The following DEPDC5 variants were observed in gnomAD, a reference collection of about 807,000 sequenced individuals.
The protein encoded by DEPDC5 is GATOR1 complex protein DEPDC5.
DEPDC5 carries 73 observed loss-of-function variants against 217.3 expected under a neutral mutation model. The ratio of observed to expected loss-of-function variants is 0.34; its 90% confidence interval spans 0.28 to 0.41. The LOEUF (loss-of-function observed/expected upper bound fraction) is 0.41. Among genes scored for constraint, DEPDC5 ranks in the 10% least tolerant of loss-of-function variants. The pLI is 1.00. For missense variants in DEPDC5, 1,675 were observed against 2,070.1 expected, an observed-to-expected ratio of 0.81 and a Z score of 3.70; for synonymous variants, 733 against 756.7, an observed-to-expected ratio of 0.97 and a Z score of 0.51.
At chr22:31,791,703 C>T (rs1372627039) in intron 10 of DEPDC5, among the ~76,000 whole-genome samples, 1 of 150,048 alleles carries the variant, frequency 6.7e-6, no homozygotes, top group African/African-American at 2.5e-5. Flanking sequence ...CCAAGGCAGG[C>T]GGATCACGAG....
chr22:31,775,090 G>C (rs1178322385), intron 7 of DEPDC5, among the ~76,000 whole-genome samples: 1 of 152,134 alleles, frequency 6.6e-6, no homozygotes, highest in African/African-American at 2.4e-5. Context: ...GACCCAGAGG[G>C]ATTGATTGAT....
At chr22:31,861,204 A>C (rs879350508) in intron 32 of DEPDC5, among the ~76,000 whole-genome samples, 164 bp from the exon 33 acceptor site, 6 of 111,238 alleles carry the variant, frequency 5.4e-5, no homozygotes, top group East Asian at 2.6e-4. Flanking sequence ...AATTTTCCCT[A>C]TCCTCTTCAT....
chr22:31,820,055 T>C (rs191832285), intron 22 of DEPDC5, among the ~76,000 whole-genome samples: 12 of 152,290 alleles, frequency 7.9e-5, no homozygotes. Flanking sequence ...AATTAAACTT[T>C]AGCTTAATGG....
intron 3 of DEPDC5, among the ~76,000 whole-genome samples, chr22:31,760,317 C>G (rs2082284459): frequency 6.6e-6 from 1 of 152,100 alleles, no homozygotes; most frequent in Admixed American, 6.5e-5. Context: ...ATCCGCCCGT[C>G]TCGGCCTCCC....
chr22:31,788,622 G>A (rs2085287406), intron 10 of DEPDC5, among the ~76,000 whole-genome samples: 1 of 151,442 alleles, frequency 6.6e-6, no homozygotes, highest in East Asian at 1.9e-4. Context: ...TGCCCAGGCT[G>A]GAGTACAATG....
At chr22:31,812,757 T>G (rs565288573) in intron 20 of DEPDC5, among the ~76,000 whole-genome samples, 2 of 146,166 alleles carry the variant, frequency 1.4e-5, no homozygotes, top group African/African-American at 5.0e-5. Flanking sequence ...TTTTTTTTTT[T>G]GAGTTGGAGT....
intron 8 of DEPDC5, among the ~76,000 whole-genome samples, chr22:31,780,956 G>A (rs1041479415): frequency 4.6e-5 from 7 of 152,162 alleles, no homozygotes; most frequent in African/African-American, 1.4e-4. Context: ...GGTGGCTCAC[G>A]CCTGTAATCC....
intron 40 of DEPDC5, 139 bp downstream of exon 40, chr22:31,897,792 C>CGGCCGGGCGTGGTGGCTCACGCCTG: frequency 3.1e-6 from 3 of 965,174 alleles, no homozygotes; most frequent in Non-Finnish European, 4.5e-6. Context: ...GATCAAGGTT[C>CGGCCGGGCGTGGTGGCTCACGCCTG]TAAAGGATCC....
chr22:31,875,741 C>G (rs2092974523), intron 36 of DEPDC5: 1 of 146,640 alleles, frequency 6.8e-6, no homozygotes, highest in Non-Finnish European at 1.5e-5. Context: ...TCAAGTGATT[C>G]TCCTGCCTCA....
chr22:31,754,904 AG>A lies in DEPDC5; in HGVS notation c.-15del, dbSNP rs767053933. On this transcript the variant is annotated 5_prime_UTR_variant, in exon 2 of 43. Transcript: ENST00000651528. Reference sequence around the variant, plus strand: ...TCTGCCCCAAGCTTGGAACAGCTAAAGGGAAAAACAGTGCAAGATGAGAACA... The same window carrying A: ...TCTGCCCCAAGCTTGGAACAGCTAAAGGAAAAACAGTGCAAGATGAGAACA... The A allele has an allele frequency of 1.2e-6, 2 of 1,614,028 alleles. No homozygotes were observed. The highest frequency in any genetic ancestry group is 2.7e-5 in the African/African-American group (2 of 74,938).
At chr22:31,855,000 T>G (rs185289130) in intron 31 of DEPDC5, among the ~76,000 whole-genome samples, 265 of 151,710 alleles carry the variant, frequency 1.7e-3, no homozygotes, top group Admixed American at 4.3e-3. Context: ...AGTCTTGTTG[T>G]GTCGCCCAGG....
chr22:31,897,927 G>T (rs1381912591), intron 40 of DEPDC5, among the ~76,000 whole-genome samples: 1 of 152,132 alleles, frequency 6.6e-6, no homozygotes. Context: ...GTGGGAGAGG[G>T]CGCTAAACTC....
chr22:31,833,157 G>T (rs2090728237), intron 24 of DEPDC5, among the ~76,000 whole-genome samples: 1 of 152,154 alleles, frequency 6.6e-6, no homozygotes, highest in Non-Finnish European at 1.5e-5. Flanking sequence ...TGAACTCCTG[G>T]CCTTGTGAGC....
intron 21 of DEPDC5, chr22:31,815,556 A>T: frequency 5.2e-6 from 3 of 572,642 alleles, no homozygotes; most frequent in Non-Finnish European, 9.1e-6. Flanking sequence ...TGATTATCAT[A>T]TTTTTTTTTG....
intron 39 of DEPDC5, among the ~76,000 whole-genome samples, chr22:31,896,767 TTCTC>T (rs2093560158): frequency 6.6e-6 from 1 of 152,182 alleles, no homozygotes. Flanking sequence ...TCCATCACAT[TTCTC>T]TCAGCCAGCC....
At chr22:31,838,264 A>G (rs886645768) in intron 26 of DEPDC5, among the ~76,000 whole-genome samples, 1 of 152,208 alleles carries the variant, frequency 6.6e-6, no homozygotes, top group African/African-American at 2.4e-5. Flanking sequence ...ACAAATTGTT[A>G]GTAGTTTTTT....
intron 18 of DEPDC5, among the ~76,000 whole-genome samples, chr22:31,807,252 C>G (rs1412109643): frequency 6.6e-6 from 1 of 151,934 alleles, no homozygotes; most frequent in African/African-American, 2.4e-5. Context: ...TTGGGGCATG[C>G]GATGTAAGGA....
At chr22:31,812,420 CTTT>C (rs57618137) in intron 20 of DEPDC5, among the ~76,000 whole-genome samples, 150 of 98,256 alleles carry the variant, frequency 1.5e-3, no homozygotes, top group Non-Finnish European at 2.0e-3. Flanking sequence ...TTCCATATTT[CTTT>C]TTTTTTTTTT....
At chr22:31,759,062 A>G (rs1022554893) in intron 3 of DEPDC5, among the ~76,000 whole-genome samples, 1 of 151,742 alleles carries the variant, frequency 6.6e-6, no homozygotes, top group East Asian at 2.0e-4. Context: ...CCTCCCGAGT[A>G]GCTGAGATTA....
Sources: gnomAD v4.1 joint callset for allele counts (sites outside exome capture counted in the v4.1 genomes callset) on GRCh38, gnomAD v4.1.1 for gene constraint, MANE v1.5 for transcripts, NCBI Gene and HGNC (gene_info 2026-07-23, HGNC 2026-07-21) for gene names.